ELF1: variants seen among roughly 807,000 people sequenced by gnomAD.
ELF1 encodes E74 like ETS transcription factor 1.
In ELF1, 24 loss-of-function variants were observed where a neutral mutation model predicts 59.9. The ratio of observed to expected loss-of-function variants is 0.40; its 90% CI spans 0.29 to 0.56. The LOEUF (loss-of-function observed/expected upper bound fraction) is 0.56, where lower values mean the gene tolerates loss of function less well. Ranked by LOEUF, ELF1 falls within the 20% of genes least tolerant of loss-of-function variation. The pLI is 0.44. For missense variants in ELF1, 627 were observed against 742.2 expected, an observed-to-expected ratio of 0.84 and a Z score of 1.80; for synonymous variants, 248 against 266.2, an observed-to-expected ratio of 0.93 and a Z score of 0.67.
chr13:40,956,255 G>A (rs1871418365), intron 3 of ELF1, among the ~76,000 whole-genome samples: 1 of 151,930 alleles, frequency 6.6e-6, no homozygotes. Context: ...TTGGGATCCT[G>A]TTGATCTGTG....
At chr13:40,974,364 C>T (rs765990771) in intron 2 of ELF1, among the ~76,000 whole-genome samples, 1 of 152,112 alleles carries the variant, frequency 6.6e-6, no homozygotes, top group Non-Finnish European at 1.5e-5. Flanking sequence ...GTTGCAGTGG[C>T]TAGTATTATT....
chr13:41,010,600 C>T (rs1224617754), intron 1 of ELF1, among the ~76,000 whole-genome samples: 1 of 151,926 alleles, frequency 6.6e-6, no homozygotes, highest in African/African-American at 2.4e-5. Context: ...AATTATAATA[C>T]ATTTTAAATG....
chr13:41,014,989 C>T (rs1875273086), intron 1 of ELF1, among the ~76,000 whole-genome samples: 1 of 151,962 alleles, frequency 6.6e-6, no homozygotes, highest in African/African-American at 2.4e-5. Flanking sequence ...TTTAAGTCAC[C>T]CCTGCCCTCC....
chr13:41,044,424 T>G (rs1593410533), intron 1 of ELF1, among the ~76,000 whole-genome samples: 1 of 152,210 alleles, frequency 6.6e-6, no homozygotes, highest in Non-Finnish European at 1.5e-5. Context: ...ATATTGGCTG[T>G]GGGTTTGTCA....
chr13:41,057,396 T>C (rs1292273742), intron 1 of ELF1, among the ~76,000 whole-genome samples: 2 of 151,904 alleles, frequency 1.3e-5, no homozygotes, highest in Admixed American at 1.3e-4. Flanking sequence ...TTTTCTCTTT[T>C]TTTTCCCCCC....
intron 8 of ELF1, among the ~76,000 whole-genome samples, chr13:40,936,786 A>AG (rs1869810132): frequency 6.7e-6 from 1 of 150,358 alleles, no homozygotes; most frequent in African/African-American, 2.5e-5. Context: ...AAGAAAAAAA[A>AG]GAAAAAAAAA....
intron 3 of ELF1, among the ~76,000 whole-genome samples, chr13:40,955,433 C>T (rs1453223354): frequency 7.2e-6 from 1 of 139,524 alleles, no homozygotes; most frequent in East Asian, 2.2e-4. Context: ...GGGGGTCAGC[C>T]CCCCGCCCGG....
chr13:40,995,747 T>C (rs1037867699), intron 1 of ELF1, among the ~76,000 whole-genome samples: 1 of 144,376 alleles, frequency 6.9e-6, no homozygotes, highest in Non-Finnish European at 1.5e-5. Flanking sequence ...AAATGGAAAA[T>C]AGGAAACAAT....
chr13:41,053,531 A>C (rs1201642647), intron 1 of ELF1, among the ~76,000 whole-genome samples: 1 of 152,132 alleles, frequency 6.6e-6, no homozygotes, highest in Non-Finnish European at 1.5e-5. Context: ...ATAAGGCACA[A>C]TTGCTGACCC....
rs117348294 is a variant in ELF1, at chr13:41,008,617, G to T, written c.-229+10611C>A. Among the ~76,000 whole-genome samples, 98 of 152,018 alleles carry T rather than the reference G, an allele frequency of 6.4e-4. 1 individual carries two copies. The East Asian group carries it at 0.014, about 22-fold the overall frequency. On this transcript the variant is annotated intron_variant, in intron 1 of 8. Transcript: ENST00000239882. Reference sequence around the variant, plus strand: ...ATTCAAAGTACAAGACAGACCTATGGATTTTAATGTTACAGGGGACAAAAA... The same window carrying T: ...ATTCAAAGTACAAGACAGACCTATGTATTTTAATGTTACAGGGGACAAAAA...
chr13:41,015,936 A>C (rs535859796), intron 1 of ELF1, among the ~76,000 whole-genome samples: 50 of 151,250 alleles, frequency 3.3e-4, no homozygotes, highest in Non-Finnish European at 5.0e-4. Context: ...AACAGAATAA[A>C]ACCTTTCTCC....
rs199658004 is a variant in ELF1 at position 40,999,716 on chromosome 13, C to G, written c.-228-17434G>C. ...CTGCTACATTGAAAACTTCGCATCA[C>G]CAATGTGTATACTGCCCTCCTTAAA... On this transcript the variant is annotated intron_variant, in intron 1 of 8. Coordinates refer to ENST00000239882, the MANE Select transcript of ELF1 (RefSeq NM_172373.4). Among the ~76,000 whole-genome samples the G allele has an allele frequency of 1.1e-4, 17 of 152,286 alleles. No homozygotes were observed. The East Asian group carries it at 3.3e-3, about 29-fold the overall frequency.
intron 1 of ELF1, among the ~76,000 whole-genome samples, chr13:40,990,413 T>C (rs1365755421): frequency 5.3e-5 from 8 of 152,332 alleles, no homozygotes; most frequent in African/African-American, 1.9e-4. Flanking sequence ...TTTTGGACTT[T>C]TATTTTTCTA....
chr13:40,942,916 ATTC>A, intron 7 of ELF1, 33 bp downstream of exon 7: 1 of 1,456,282 alleles, frequency 6.9e-7, no homozygotes, highest in Non-Finnish European at 9.1e-7. Context: ...AGAAAATGAT[ATTC>A]TTAACACAAT....
intron 8 of ELF1, among the ~76,000 whole-genome samples, chr13:40,939,159 T>C (rs1180195142): frequency 6.6e-6 from 1 of 151,996 alleles, no homozygotes; most frequent in African/African-American, 2.4e-5. Flanking sequence ...ACCCCATTTC[T>C]ACAAAAAATT....
chr13:41,040,475 G>C (rs758068359), intron 1 of ELF1, among the ~76,000 whole-genome samples: 1 of 152,064 alleles, frequency 6.6e-6, no homozygotes, highest in Non-Finnish European at 1.5e-5. Flanking sequence ...CAACCATTTC[G>C]GTACCAGGGA....
chr13:41,053,543 A>C lies in ELF1; in HGVS notation c.-229+7295T>G, dbSNP rs556995221. 2.4e-4 allele frequency among the ~76,000 whole-genome samples: 36 copies of C among 152,272 alleles called. No individual in the cohort carries two copies. The South Asian group carries it at 4.1e-3, about 18-fold the overall frequency. ...TAAATAAGGCACAATTGCTGACCCC[A>C]GATGGCTGCTTCAACCCACTTCTGC... On this transcript the variant is annotated intron_variant, in intron 1 of 1. Coordinates refer to the ELF1 transcript ENST00000405737.
chr13:41,043,396 T>C (rs1296474689), intron 1 of ELF1, among the ~76,000 whole-genome samples: 1 of 152,248 alleles, frequency 6.6e-6, no homozygotes, highest in African/African-American at 2.4e-5. Flanking sequence ...ATGTCCTGAA[T>C]GGTAAAGCCT....
At chr13:41,007,997 T>C (rs1316259124) in intron 1 of ELF1, among the ~76,000 whole-genome samples, 1 of 152,182 alleles carries the variant, frequency 6.6e-6, no homozygotes, top group African/African-American at 2.4e-5. Flanking sequence ...CCTCAAGCCA[T>C]GAGTCTACTC....
Sources: allele counts gnomAD v4.1 joint callset (sites outside exome capture counted in the v4.1 genomes callset), GRCh38; gene constraint gnomAD v4.1.1; transcripts MANE v1.5; gene names NCBI Gene and HGNC (gene_info 2026-07-23, HGNC 2026-07-21).